Variants in SLC6A18 observed in about 807,000 individuals in gnomAD.
SLC6A18 encodes the protein inactive sodium-dependent neutral amino acid transporter B(0)AT3.
A neutral mutation model predicts 62.9 loss-of-function variants in SLC6A18; 58 were observed. The observed-to-expected ratio is 0.92, with a 90% CI of 0.75 to 1.15. The LOEUF (loss-of-function observed/expected upper bound fraction) is 1.15, where lower values mean the gene tolerates loss of function less well. SLC6A18 is among the 50% of genes most tolerant of loss of function. The pLI is 0.00. For missense variants in SLC6A18, 793 were observed against 836.6 expected, an observed-to-expected ratio of 0.95 and a Z score of 0.64; for synonymous variants, 382 against 365.8, an observed-to-expected ratio of 1.04 and a Z score of -0.51.
In SLC6A18 at chr5:1,243,936, G is replaced by A. The variant is rs1579534888; in HGVS notation, c.1336+177G>A. On this transcript the variant is annotated intron_variant, in intron 9 of 11. Coordinates refer to ENST00000324642, the MANE Select transcript of SLC6A18 (RefSeq NM_182632.3). This position sits in a 1 kb window ranked among gnomAD's most constrained non-coding sequence, Gnocchi z 6.5. ...AGCCATCAACGGAGAGCCGAGGGTC[G>A]AGGGAGGGTCAGGGCTGCCCCTCCC... 6.6e-6 allele frequency among the ~76,000 whole-genome samples: 1 copy of A among 152,144 alleles called. No homozygotes were observed. The highest frequency in any genetic ancestry group is 6.5e-5 in the Admixed American group (1 of 15,284).
At position 1,239,457 on chromosome 5, in the gene SLC6A18, T is replaced by C. The variant is rs756922900; in HGVS notation, c.740T>C (p.Ile247Thr). 1 of 1,613,650 alleles carries C rather than the reference T, an allele frequency of 6.2e-7. No individual in the cohort carries two copies. The highest frequency in any genetic ancestry group is 8.5e-7 in the Non-Finnish European group (1 of 1,179,562). Residue 247 changes from isoleucine (I) to threonine (T), a missense_variant, in exon 6 of 12, where the codon ATT (isoleucine) becomes ACT (threonine). By Grantham distance (89) the Ile-to-Thr change is moderately conservative. Transcript: ENST00000324642. ...CTCCCTGACTCATTCCAGATGCACA[T>C]TCTCCAGAACCCCCGGGTGTGGCTG... Reference protein sequence around the residue: ...LIYLFTPNMHILQNPRVWLDA... With the variant: ...LIYLFTPNMHTLQNPRVWLDA...
At chr5:1,238,218 T>A (rs1746938854) in intron 5 of SLC6A18, among the ~76,000 whole-genome samples, 158 bp downstream of exon 5, 2 of 149,128 alleles carry the variant, frequency 1.3e-5, no homozygotes, top group Non-Finnish European at 1.5e-5. Context: ...CAGGATGGCG[T>A]GGCGGGAGGG....
In SLC6A18 at chr5:1,246,100, C is replaced by T; in HGVS notation, c.*22C>T. On this transcript the variant is annotated 3_prime_UTR_variant, in exon 12 of 12. Coordinates refer to ENST00000324642, the MANE Select transcript of SLC6A18 (RefSeq NM_182632.3). ...CTGAAGCCGGCCGGAGCGGGGCCTG[C>T]ATGGGCGGGTCTGTGGGGGGGCTTG... The T allele has an allele frequency of 6.5e-7, 1 of 1,533,782 alleles. No homozygotes were observed. The highest frequency in any genetic ancestry group is 8.7e-7 in the Non-Finnish European group (1 of 1,145,018).
chr5:1,237,597 G>A (rs939423341), intron 4 of SLC6A18, among the ~76,000 whole-genome samples: 2 of 152,160 alleles, frequency 1.3e-5, no homozygotes, highest in Non-Finnish European at 1.5e-5. Context: ...GTGGAGGTGG[G>A]TGGCTTGGGA....
intron 1 of SLC6A18, among the ~76,000 whole-genome samples, chr5:1,226,451 G>T (rs1055673523): frequency 6.6e-6 from 1 of 152,192 alleles, no homozygotes; most frequent in African/African-American, 2.4e-5. Flanking sequence ...CTCAGGCCAG[G>T]CCGGGCTGCT....
chr5:1,245,901 C>A lies in SLC6A18; in HGVS notation c.1710C>A (p.Ala570=), dbSNP rs753887290. ...TCTACCCGGGCTGGGCGCGCGCCGC[C>A]TGTGTGCTGCTGTCCTTGCTGCCCG... The part of the protein sequence containing the change: ...EKLYPGWARA[A]CVLLSLLPVL... The change falls in exon 12 of 12, where the codon GCC becomes GCA. Residue 570 remains alanine (A), a synonymous_variant. Transcript: ENST00000324642. 6.2e-7 allele frequency: 1 copy of A among 1,607,708 alleles called. No homozygotes were observed. Among genetic ancestry groups the A allele is most frequent in the South Asian group, 1.1e-5 (1 of 90,934 alleles).
intron 4 of SLC6A18, 148 bp from the exon 5 acceptor site, chr5:1,237,802 G>A (rs1349185916): frequency 1.6e-6 from 1 of 628,380 alleles, no homozygotes. Context: ...CATCCCCCAA[G>A]GTGCACCCCC....
At position 1,232,291 on chromosome 5, in the gene SLC6A18, T is replaced by G. The variant is rs995694816; in HGVS notation, c.233T>G (p.Ile78Ser). The G allele has an allele frequency of 2.6e-5, 42 of 1,612,648 alleles. No homozygotes were observed. Among genetic ancestry groups the G allele is most frequent in the Non-Finnish European group, 3.5e-5 (41 of 1,179,890 alleles). ...GIPIFHVELA[I>S]GQRLRKGSVG... ...CCCATTTTCCACGTCGAGCTCGCCA[T>G]CGGCCAGCGGCTGCGGAAGGGCAGC... The change falls in exon 2 of 12, where the codon ATC (isoleucine) becomes AGC (serine). Residue 78 changes from isoleucine (I) to serine (S), a missense_variant. Coordinates refer to ENST00000324642, the MANE Select transcript of SLC6A18 (RefSeq NM_182632.3).
At chr5:1,232,390 A>G in intron 2 of SLC6A18, 31 bp downstream of exon 2, 2 of 1,591,328 alleles carry the variant, frequency 1.3e-6, no homozygotes, top group Non-Finnish European at 1.7e-6. Context: ...GCCCTGACTG[A>G]GGCTGCCAGG....
At position 1,233,897 on chromosome 5, in the gene SLC6A18, A is replaced by G. The variant is rs1477513400; in HGVS notation, c.439+1009A>G. Among the ~76,000 whole-genome samples, 4 of 152,086 alleles carry G rather than the reference A, an allele frequency of 2.6e-5. No individual in the cohort carries two copies. The East Asian group carries it at 7.7e-4, about 29-fold the overall frequency. On this transcript the variant is annotated intron_variant, in intron 3 of 11. Coordinates refer to ENST00000324642, the MANE Select transcript of SLC6A18 (RefSeq NM_182632.3). Reference sequence around the variant, plus strand: ...GCTAGGACTACAGGCGCCTGCCACCAGGCCTGGCTAATTTTTTGTATTTTT... The same window carrying G: ...GCTAGGACTACAGGCGCCTGCCACCGGGCCTGGCTAATTTTTTGTATTTTT...
Position 1,241,070 on chromosome 5 carries a change from C to T in SLC6A18, c.974+411C>T, listed in dbSNP as rs1019855825. ...CTCCCGTGCAGGCTCAGGAGGGGCG[C>T]GGCCTGGCCACACTGGGATTTCAGA... On this transcript the variant is annotated intron_variant, in intron 7 of 11. Transcript: ENST00000324642. The surrounding 1 kb of genome is among the most constrained non-coding windows in gnomAD (Gnocchi z 7.8). 3.3e-5 allele frequency among the ~76,000 whole-genome samples: 5 copies of T among 152,110 alleles called. No individual in the cohort carries two copies. The highest frequency in any genetic ancestry group is 1.3e-4 in the Admixed American group (2 of 15,278).
chr5:1,232,337 C>T lies in SLC6A18; in HGVS notation c.279C>T (p.Ile93=). 2 of 1,611,344 alleles carry T rather than the reference C, an allele frequency of 1.2e-6. No homozygotes were observed. Among genetic ancestry groups the T allele is most frequent in the East Asian group, 2.2e-5 (1 of 44,852 alleles). ...RKGSVGVWTA[I]SPYLSGVGLG... is the part of the protein sequence containing the mutation. ...GCAGCGTCGGCGTGTGGACGGCCATCTCCCCGTACCTCAGTGGAGTAGGTA... is the reference window on the plus strand; with the variant it reads ...GCAGCGTCGGCGTGTGGACGGCCATTTCCCCGTACCTCAGTGGAGTAGGTA... The change falls in exon 2 of 12, where the codon ATC becomes ATT. Residue 93 remains isoleucine (I), a synonymous_variant. Coordinates refer to ENST00000324642, the MANE Select transcript of SLC6A18 (RefSeq NM_182632.3).
chr5:1,244,637 G>C lies in SLC6A18; in HGVS notation c.1526G>C (p.Gly509Ala), dbSNP rs144078299. Residue 509 changes from glycine to alanine, a missense_variant, in exon 11 of 12, where the codon GGG becomes GCG. Transcript: ENST00000324642. ...RFCDDIAWMT[G>A]RRPSPYWRLT... ...TGCGATGACATTGCGTGGATGACCG[G>C]GAGGCGGCCCAGCCCCTACTGGCGG... The C allele has an allele frequency of 4.6e-5, 74 of 1,607,276 alleles. 1 individual carries two copies. In the East Asian group the frequency reaches 1.6e-3, roughly 35 times the overall value.
intron 7 of SLC6A18, among the ~76,000 whole-genome samples, chr5:1,242,241 AG>A (rs1269099334): frequency 1.3e-5 from 2 of 152,162 alleles, no homozygotes; most frequent in African/African-American, 4.8e-5. Context: ...TTCCAAACCC[AG>A]GGGGGTAGAG....
chr5:1,227,831 C>T (rs1307234096), intron 1 of SLC6A18, among the ~76,000 whole-genome samples: 1 of 152,176 alleles, frequency 6.6e-6, no homozygotes, highest in South Asian at 2.1e-4. Context: ...AAATGCCAAG[C>T]GATGGGTTCA....
intron 11 of SLC6A18, 106 bp downstream of exon 11, chr5:1,244,873 G>C (rs778506127): frequency 3.0e-6 from 4 of 1,317,092 alleles, no homozygotes; most frequent in Admixed American, 2.4e-5. Flanking sequence ...GCACATTCAC[G>C]TGCTAGTGAC....
At chr5:1,228,444 G>A (rs1254755402) in intron 1 of SLC6A18, among the ~76,000 whole-genome samples, 1 of 152,228 alleles carries the variant, frequency 6.6e-6, no homozygotes, top group East Asian at 1.9e-4. Flanking sequence ...TTTTGCCGCT[G>A]CTCTGAGCAG....
chr5:1,244,205 C>T lies in SLC6A18; in HGVS notation c.1337-9C>T. The T allele has an allele frequency of 6.2e-7, 1 of 1,603,272 alleles. No individual in the cohort carries two copies. Among genetic ancestry groups the T allele is most frequent in the Non-Finnish European group, 8.5e-7 (1 of 1,173,144 alleles). On this transcript the variant is annotated splice_polypyrimidine_tract_variant and intron_variant, in intron 9 of 11. Coordinates refer to ENST00000324642, the MANE Select transcript of SLC6A18 (RefSeq NM_182632.3). ...CCTTACCCCCCACACCCCTTTCCCA[C>T]TGCCCCAGGGCTGGTCTGCCTGGTC...
chr5:1,238,209 A>C (rs945824501), intron 5 of SLC6A18, 149 bp downstream of exon 5: 67 of 664,904 alleles, frequency 1.0e-4, no homozygotes, highest in Non-Finnish European at 9.3e-5. Flanking sequence ...AGGTTGGCCC[A>C]GGATGGCGTG....
Sources: allele counts gnomAD v4.1 joint callset (sites outside exome capture counted in the v4.1 genomes callset), GRCh38; gene constraint gnomAD v4.1.1; non-coding constraint Gnocchi (gnomAD v3.1); transcripts MANE v1.5; gene names NCBI Gene and HGNC (gene_info 2026-07-23, HGNC 2026-07-21).